Variants in SHISA9 observed in about 807,000 individuals in gnomAD.
SHISA9 encodes the protein shisa family member 9.
SHISA9 carries 13 observed loss-of-function variants against 38.0 expected under a neutral mutation model. The ratio of observed to expected loss-of-function variants is 0.34; its 90% CI spans 0.22 to 0.54. SHISA9 has a LOEUF of 0.54. Ranked by LOEUF, SHISA9 falls within the 20% of genes least tolerant of loss-of-function variation. SHISA9 has a pLI of 0.91. For synonymous variants in SHISA9, 275 were observed against 242.0 expected, an observed-to-expected ratio of 1.14 and a Z score of -1.27; for missense variants, 538 against 575.8, an observed-to-expected ratio of 0.93 and a Z score of 0.67.
At chr16:13,392,660 C>T in the SHISA9 span, among the ~76,000 whole-genome samples, 1 of 152,096 alleles carries the variant, frequency 6.6e-6, no homozygotes, top group African/African-American at 2.4e-5. Context: ...ACACCCACTG[C>T]GTTAAGAGGT....
chr16:13,407,787 AAAAG>A, the SHISA9 span, among the ~76,000 whole-genome samples: 1 of 152,204 alleles, frequency 6.6e-6, no homozygotes, highest in Non-Finnish European at 1.5e-5. Flanking sequence ...CCTGATGAAA[AAAAG>A]AAACTTGAGA....
chr16:13,044,867 T>C (rs1310486119), intron 2 of SHISA9, among the ~76,000 whole-genome samples: 1 of 152,220 alleles, frequency 6.6e-6, no homozygotes, highest in Non-Finnish European at 1.5e-5. Context: ...GTTTAAAATC[T>C]CCCATCATAA....
the SHISA9 span, among the ~76,000 whole-genome samples, chr16:13,328,740 T>G: frequency 2.6e-5 from 4 of 152,164 alleles, no homozygotes; most frequent in Admixed American, 2.6e-4. Flanking sequence ...CCCAAAGTGC[T>G]GGGATTACAG....
intron 2 of SHISA9, among the ~76,000 whole-genome samples, chr16:12,949,077 C>G (rs891923104): frequency 6.6e-6 from 1 of 152,116 alleles, no homozygotes; most frequent in Non-Finnish European, 1.5e-5. Flanking sequence ...AATTAAGTGT[C>G]TGATGCATGA....
chr16:13,232,311 G>A (rs1351316315), intron 4 of SHISA9, among the ~76,000 whole-genome samples: 2 of 152,084 alleles, frequency 1.3e-5, no homozygotes, highest in Non-Finnish European at 2.9e-5. Context: ...TAAAATAAAA[G>A]GAGATTTCAT....
intron 2 of SHISA9, among the ~76,000 whole-genome samples, chr16:13,159,774 C>A (rs1381121906): frequency 2.0e-5 from 3 of 152,210 alleles, no homozygotes; most frequent in Non-Finnish European, 2.9e-5. Flanking sequence ...AGGTTCAAGT[C>A]CATGCCCTTG....
Position 13,238,406 on chromosome 16 carries a change from A to G in SHISA9, c.*2997A>G, listed in dbSNP as rs1011979401. 6.6e-6 allele frequency: 1 copy of G among 152,210 alleles called. No homozygotes were observed. The highest frequency in any genetic ancestry group is 2.4e-5 in the African/African-American group (1 of 41,448). The allele number at this position is 152,210 out of a possible 1,614,324, so 9.4% of individuals were successfully genotyped here. ...AGGCTCTTTCCAGCTCAAAGTTTCC[A>G]TAATTCTTATCTCCCTTTTACCTCG... On this transcript the variant is annotated 3_prime_UTR_variant, in exon 5 of 5. Transcript: ENST00000558583.
chr16:13,550,958 C>A, the SHISA9 span, among the ~76,000 whole-genome samples: 1 of 152,068 alleles, frequency 6.6e-6, no homozygotes, highest in Non-Finnish European at 1.5e-5. Flanking sequence ...CGCATCTCTA[C>A]TAAAAATACA....
the SHISA9 span, among the ~76,000 whole-genome samples, chr16:13,538,838 T>A: frequency 6.6e-6 from 1 of 152,152 alleles, no homozygotes; most frequent in African/African-American, 2.4e-5. Context: ...GTTCCAAGAA[T>A]GGCAATCACA....
chr16:13,293,983 G>A, the SHISA9 span, among the ~76,000 whole-genome samples: 1 of 152,146 alleles, frequency 6.6e-6, no homozygotes, highest in Non-Finnish European at 1.5e-5. Flanking sequence ...AGCTGACACT[G>A]GCTTATCCAA....
intron 2 of SHISA9, among the ~76,000 whole-genome samples, chr16:13,161,820 G>T (rs538229563): frequency 1.1e-4 from 16 of 151,860 alleles, no homozygotes; most frequent in Non-Finnish European, 4.4e-5. Context: ...TTCCTCTATC[G>T]GTGCTAGAAA....
At chr16:12,937,040 G>A (rs1405532627) in intron 2 of SHISA9, among the ~76,000 whole-genome samples, 1 of 152,096 alleles carries the variant, frequency 6.6e-6, no homozygotes, top group Non-Finnish European at 1.5e-5. Context: ...TACTTAGCTG[G>A]TCCTCTTGTG....
chr16:12,998,224 C>G (rs943303034), intron 2 of SHISA9, among the ~76,000 whole-genome samples: 1 of 152,222 alleles, frequency 6.6e-6, no homozygotes, highest in African/African-American at 2.4e-5. Context: ...AGGTTTACTT[C>G]ATAGAGCCTG....
the SHISA9 span, among the ~76,000 whole-genome samples, chr16:13,426,712 A>G: frequency 2.6e-5 from 4 of 152,240 alleles, no homozygotes; most frequent in African/African-American, 9.6e-5. Flanking sequence ...CACTTAGGGC[A>G]TCTTTCAGAC....
At position 13,037,678 on chromosome 16, in the gene SHISA9, C is replaced by T. The variant is rs573107835; in HGVS notation, c.691+120863C>T. Among the ~76,000 whole-genome samples, 6 of 152,264 alleles carry T rather than the reference C, an allele frequency of 3.9e-5. No homozygotes were observed. The South Asian group carries it at 1.2e-3, about 32-fold the overall frequency. On this transcript the variant is annotated intron_variant, in intron 2 of 4. Coordinates refer to ENST00000558583, the MANE Select transcript of SHISA9 (RefSeq NM_001145204.3). ...CATGGTTTAAACTCTCCTTTCTTTC[C>T]TGGAATAAGCAGCCCCCTAACTGGT...
chr16:13,542,662 A>T, the SHISA9 span, among the ~76,000 whole-genome samples: 1 of 152,224 alleles, frequency 6.6e-6, no homozygotes, highest in Admixed American at 6.5e-5. Flanking sequence ...TCCCAGGGAC[A>T]ACAAAATGCA....
At chr16:13,110,823 T>C (rs1427641664) in intron 2 of SHISA9, among the ~76,000 whole-genome samples, 1 of 152,226 alleles carries the variant, frequency 6.6e-6, no homozygotes, top group Non-Finnish European at 1.5e-5. Flanking sequence ...AAGATATTCA[T>C]TTAAATTGAA....
the SHISA9 span, among the ~76,000 whole-genome samples, chr16:13,304,946 T>C: frequency 6.6e-6 from 1 of 152,212 alleles, no homozygotes; most frequent in Non-Finnish European, 1.5e-5. Flanking sequence ...ACTGGATCTG[T>C]TCTGACAGAC....
intron 2 of SHISA9, among the ~76,000 whole-genome samples, chr16:13,038,082 C>T (rs921796623): frequency 5.3e-5 from 8 of 152,296 alleles, no homozygotes; most frequent in African/African-American, 1.2e-4. Context: ...CTCCGCCTCC[C>T]GAGTTCAAGC....
Sources: allele counts gnomAD v4.1 joint callset (sites outside exome capture counted in the v4.1 genomes callset), GRCh38; gene constraint gnomAD v4.1.1; transcripts MANE v1.5; gene names NCBI Gene and HGNC (gene_info 2026-07-23, HGNC 2026-07-21).